Variants in PTPRJ observed in about 807,000 individuals in gnomAD.
PTPRJ encodes the protein receptor-type tyrosine-protein phosphatase eta.
PTPRJ carries 129 observed loss-of-function variants against 141.3 expected under a neutral mutation model. The observed-to-expected ratio is 0.91, with a 90% CI of 0.79 to 1.06. PTPRJ has a LOEUF of 1.06. PTPRJ is among the 50% of genes least tolerant of loss of function. PTPRJ has a pLI of 0.00. For synonymous variants in PTPRJ, 610 were observed against 640.5 expected (o/e 0.95, Z 0.72); for missense variants, 1,601 against 1,679.7 (o/e 0.95, Z 0.82).
chr11:47,980,713 T>G lies in PTPRJ; in HGVS notation c.-200T>G, dbSNP rs941200951. The G allele has an allele frequency of 1.0e-6, 1 of 997,466 alleles. No homozygotes were observed. Among genetic ancestry groups the G allele is most frequent in the East Asian group, 1.1e-4 (1 of 9,156 alleles). The allele number at this position is 997,466 out of a possible 1,614,324, so 61.8% of individuals were successfully genotyped here. A position where few individuals can be genotyped will look rare whatever the true frequency, so the allele number is the denominator to read the frequency against. On this transcript the variant is annotated 5_prime_UTR_variant, in exon 1 of 25. Coordinates refer to ENST00000418331, the MANE Select transcript of PTPRJ (RefSeq NM_002843.4). Reference sequence around the variant, plus strand: ...CCCCCCCGCGGCAGCCGCGCTAGGCTCCGGCGTGTGGCCGCGGCCGCCGCC... The same window carrying G: ...CCCCCCCGCGGCAGCCGCGCTAGGCGCCGGCGTGTGGCCGCGGCCGCCGCC...
chr11:48,009,968 T>G (rs1184284556), intron 1 of PTPRJ, among the ~76,000 whole-genome samples: 1 of 152,238 alleles, frequency 6.6e-6, no homozygotes, highest in East Asian at 1.9e-4. Flanking sequence ...TGGGTTGGCA[T>G]GTAGTGCAGC....
intron 1 of PTPRJ, among the ~76,000 whole-genome samples, chr11:48,029,669 A>G (rs989268023): frequency 6.6e-6 from 1 of 152,172 alleles, no homozygotes; most frequent in Non-Finnish European, 1.5e-5. Flanking sequence ...TTGTATATCC[A>G]GGATTTCTTT....
chr11:48,069,535 C>T (rs887300193), intron 1 of PTPRJ, among the ~76,000 whole-genome samples: 3 of 150,314 alleles, frequency 2.0e-5, no homozygotes, highest in East Asian at 2.0e-4. Flanking sequence ...CTGCAAGCTC[C>T]GCCTCCTGGG....
At chr11:47,987,333 A>T (rs1282140702) in intron 1 of PTPRJ, among the ~76,000 whole-genome samples, 1 of 152,238 alleles carries the variant, frequency 6.6e-6, no homozygotes, top group Non-Finnish European at 1.5e-5. Context: ...AATTTGTTTA[A>T]ATATCATAAA....
chr11:48,071,662 G>A (rs1436589930), intron 1 of PTPRJ, among the ~76,000 whole-genome samples: 10 of 140,216 alleles, frequency 7.1e-5, no homozygotes, highest in Non-Finnish European at 1.4e-4. Flanking sequence ...AGGCTGGAGT[G>A]CAGTGGCGCC....
chr11:48,051,505 A>T (rs1854569398), intron 1 of PTPRJ, among the ~76,000 whole-genome samples: 1 of 152,190 alleles, frequency 6.6e-6, no homozygotes, highest in African/African-American at 2.4e-5. Flanking sequence ...GTGATGTGGA[A>T]AAACCTACTC....
chr11:48,135,961 C>A, intron 8 of PTPRJ, 78 bp from the exon 9 acceptor site: 2 of 1,521,262 alleles, frequency 1.3e-6, no homozygotes, highest in Non-Finnish European at 1.8e-6. Flanking sequence ...AGAGCAGGTC[C>A]TCTCGACAGC....
intron 1 of PTPRJ, among the ~76,000 whole-genome samples, chr11:48,076,849 A>G (rs960204546): frequency 2.0e-5 from 3 of 151,344 alleles, no homozygotes; most frequent in Non-Finnish European, 2.9e-5. Flanking sequence ...GAAAAGAACA[A>G]CTCTTTTTTC....
At chr11:48,042,935 C>T (rs1180218595) in intron 1 of PTPRJ, among the ~76,000 whole-genome samples, 1 of 152,152 alleles carries the variant, frequency 6.6e-6, no homozygotes, top group Admixed American at 6.6e-5. Flanking sequence ...CCATATTTTC[C>T]AGTCCTGGAA....
chr11:48,036,336 T>G (rs1266496823), intron 1 of PTPRJ, among the ~76,000 whole-genome samples: 1 of 152,214 alleles, frequency 6.6e-6, no homozygotes, highest in Non-Finnish European at 1.5e-5. Flanking sequence ...ACTTCTCAGC[T>G]TTGTTTTAAC....
At chr11:48,063,918 ATGTGTG>A (rs113736420) in intron 1 of PTPRJ, among the ~76,000 whole-genome samples, 1 of 147,578 alleles carries the variant, frequency 6.8e-6, no homozygotes, top group Non-Finnish European at 1.5e-5. Context: ...TTCTCAGCTT[ATGTGTG>A]TGTGTGTGTG....
intron 1 of PTPRJ, among the ~76,000 whole-genome samples, chr11:48,084,596 T>C (rs984111834): frequency 1.3e-5 from 2 of 152,312 alleles, no homozygotes; most frequent in Non-Finnish European, 2.9e-5. Context: ...TGATTGGTGA[T>C]ACAGCTGAGC....
At chr11:48,027,791 CAAAAAAAAAAAAAAAAAAA>C (rs750153282) in intron 1 of PTPRJ, among the ~76,000 whole-genome samples, 1 of 32,902 alleles carries the variant, frequency 3.0e-5, no homozygotes, top group Non-Finnish European at 5.6e-5. Flanking sequence ...ACTCTGTCTC[CAAAAAAAAAAAAAAAAAAA>C]AAAAAAAAAA....
rs141257303 is a variant in PTPRJ at position 48,164,389 on chromosome 11, C to G, written c.3729C>G (p.Val1243=). ...TTCTCTTTTCTCTCAGTGCTGGGGTCGGAAGGACGGGCACTTTCATTGCCA... is the reference window on the plus strand; with the variant it reads ...TTCTCTTTTCTCTCAGTGCTGGGGTGGGAAGGACGGGCACTTTCATTGCCA... ...SPILVHCSAG[V]GRTGTFIAID... The change falls in exon 24 of 25, where the codon GTC becomes GTG. Residue 1243 remains valine, a synonymous_variant. Coordinates refer to ENST00000418331, the MANE Select transcript of PTPRJ (RefSeq NM_002843.4). 1 of 1,613,662 alleles carries G rather than the reference C, an allele frequency of 6.2e-7. No homozygotes were observed. Among genetic ancestry groups the G allele is most frequent in the Non-Finnish European group, 8.5e-7 (1 of 1,179,932 alleles).
rs185679348 is a variant in PTPRJ, at chr11:48,114,266, C to T, written c.352+1283C>T. 1.9e-3 allele frequency among the ~76,000 whole-genome samples: 295 copies of T among 151,732 alleles called. 1 individual carries two copies. The highest frequency in any genetic ancestry group is 1.4e-3 in the Non-Finnish European group (97 of 67,912). The stretch of plus-strand genomic sequence containing the variant: ...CAGCCTGGCCAACATGGCAAAACCC[C>T]GTCTCTGTTAAAAATACAAAAATTA... On this transcript the variant is annotated intron_variant, in intron 3 of 24. Coordinates refer to ENST00000418331, the MANE Select transcript of PTPRJ (RefSeq NM_002843.4).
intron 1 of PTPRJ, among the ~76,000 whole-genome samples, chr11:47,984,748 G>A (rs1037661281): frequency 6.6e-6 from 1 of 151,756 alleles, no homozygotes; most frequent in Admixed American, 6.6e-5. Flanking sequence ...TAGTAGAGAT[G>A]GGGTTTCACC....
At chr11:48,022,419 G>A (rs543554464) in intron 1 of PTPRJ, among the ~76,000 whole-genome samples, 1 of 151,904 alleles carries the variant, frequency 6.6e-6, no homozygotes, top group East Asian at 1.9e-4. Flanking sequence ...AGCCGAGATC[G>A]TGCCATTGCA....
At chr11:48,043,171 C>A (rs1339593460) in intron 1 of PTPRJ, among the ~76,000 whole-genome samples, 2 of 152,124 alleles carry the variant, frequency 1.3e-5, no homozygotes, top group Admixed American at 1.3e-4. Flanking sequence ...TCTCTTTTAG[C>A]TCCATATTTA....
chr11:48,122,524 G>A (rs906072145), intron 4 of PTPRJ, among the ~76,000 whole-genome samples: 2 of 152,194 alleles, frequency 1.3e-5, no homozygotes, highest in Non-Finnish European at 2.9e-5. Flanking sequence ...GGGGGCTGCA[G>A]CAGAAGACAC....
Sources: allele counts gnomAD v4.1 joint callset (sites outside exome capture counted in the v4.1 genomes callset), GRCh38; gene constraint gnomAD v4.1.1; transcripts MANE v1.5; gene names NCBI Gene and HGNC (gene_info 2026-07-23, HGNC 2026-07-21).